The following MARCHF1 variants were observed in gnomAD, a reference collection of about 807,000 sequenced individuals.
MARCHF1 encodes membrane associated ring-CH-type finger 1.
Under a neutral mutation model 54.2 loss-of-function variants are expected in MARCHF1, and 40 were observed. That is an observed-to-expected ratio of 0.74 (90% confidence interval 0.57 to 0.96). MARCHF1 has a LOEUF of 0.96. Ranked by LOEUF, MARCHF1 falls within the 40% of genes least tolerant of loss-of-function variation. MARCHF1 has a pLI of 0.00. For missense variants in MARCHF1, 586 were observed against 656.5 expected (o/e 0.89, Z 1.17); for synonymous variants, 236 against 236.3 (o/e 1.00, Z 0.01).
At chr4:163,579,028 A>G (rs1740130121) in intron 8 of MARCHF1, among the ~76,000 whole-genome samples, 1 of 152,160 alleles carries the variant, frequency 6.6e-6, no homozygotes, top group African/African-American at 2.4e-5. Flanking sequence ...CTGCCTAGAG[A>G]AGAATATTTC....
chr4:164,243,427 C>T (rs958401686), intron 1 of MARCHF1, among the ~76,000 whole-genome samples: 20 of 151,850 alleles, frequency 1.3e-4, no homozygotes, highest in Admixed American at 9.2e-4. Flanking sequence ...CAAGCAAATG[C>T]TGAGAGATTT....
At chr4:163,754,286 C>T (rs1359618746) in intron 4 of MARCHF1, among the ~76,000 whole-genome samples, 1 of 152,180 alleles carries the variant, frequency 6.6e-6, no homozygotes, top group East Asian at 1.9e-4. Context: ...GTGTTGTGGG[C>T]ATCAGACCTT....
At chr4:164,025,526 A>C (rs1410206650) in intron 2 of MARCHF1, among the ~76,000 whole-genome samples, 1 of 152,148 alleles carries the variant, frequency 6.6e-6, no homozygotes, top group East Asian at 1.9e-4. Context: ...AAAAATTATT[A>C]GAAATTAATA....
intron 5 of MARCHF1, among the ~76,000 whole-genome samples, chr4:163,689,495 A>ATTTTGC (rs1376872559): frequency 4.6e-5 from 7 of 152,336 alleles, no homozygotes; most frequent in Non-Finnish European, 8.8e-5. Context: ...AACTGTTGAA[A>ATTTTGC]TGTGGCCAGC....
At chr4:163,838,872 G>T (rs1449721070) in intron 4 of MARCHF1, among the ~76,000 whole-genome samples, 1 of 151,984 alleles carries the variant, frequency 6.6e-6, no homozygotes, top group Non-Finnish European at 1.5e-5. Context: ...AACACTAACA[G>T]CACCGGTGAT....
At chr4:164,247,294 C>T (rs1472920150) in intron 1 of MARCHF1, among the ~76,000 whole-genome samples, 1 of 143,678 alleles carries the variant, frequency 7.0e-6, no homozygotes, top group African/African-American at 2.6e-5. Context: ...ATGATGAGTT[C>T]ATTTCCTTTG....
intron 3 of MARCHF1, among the ~76,000 whole-genome samples, chr4:163,928,029 G>A (rs1379432053): frequency 6.6e-6 from 1 of 151,708 alleles, no homozygotes; most frequent in East Asian, 1.9e-4. Context: ...TTAGGCATTT[G>A]ATGTTGAATG....
chr4:164,090,362 G>T (rs972415767), intron 2 of MARCHF1, among the ~76,000 whole-genome samples: 1 of 151,796 alleles, frequency 6.6e-6, no homozygotes, highest in African/African-American at 2.4e-5. Flanking sequence ...CTACTTCTGT[G>T]AATTATTCTA....
chr4:164,344,258 A>T (rs950780014), intron 1 of MARCHF1, among the ~76,000 whole-genome samples: 2 of 152,196 alleles, frequency 1.3e-5, no homozygotes, highest in African/African-American at 2.4e-5. Flanking sequence ...AAGATCGGAA[A>T]ACAATGTATC....
chr4:163,881,106 A>C (rs747689286), intron 3 of MARCHF1, among the ~76,000 whole-genome samples: 1 of 152,262 alleles, frequency 6.6e-6, no homozygotes, highest in Non-Finnish European at 1.5e-5. Flanking sequence ...AGCTTCATCC[A>C]TTCATGATCT....
intron 2 of MARCHF1, among the ~76,000 whole-genome samples, chr4:164,096,146 C>T (rs939814759): frequency 2.0e-5 from 3 of 152,184 alleles, no homozygotes; most frequent in Non-Finnish European, 2.9e-5. Flanking sequence ...TTCACAATAG[C>T]GAAGACATGG....
intron 8 of MARCHF1, among the ~76,000 whole-genome samples, chr4:163,559,183 A>G (rs1366607641): frequency 6.6e-6 from 1 of 152,218 alleles, no homozygotes; most frequent in East Asian, 1.9e-4. Context: ...TTCATTGTAG[A>G]AAATGTATAA....
intron 3 of MARCHF1, among the ~76,000 whole-genome samples, chr4:163,986,288 AGT>A (rs375777298): frequency 0.24 from 10,598 of 43,756 alleles, 1,657 homozygotes; most frequent in Middle Eastern, 0.46. Flanking sequence ...TTTGAGATGG[AGT>A]GTCTCGCTCT....
intron 3 of MARCHF1, among the ~76,000 whole-genome samples, chr4:163,913,516 C>A (rs1397872037): frequency 5.9e-5 from 9 of 152,146 alleles, no homozygotes; most frequent in African/African-American, 2.2e-4. Context: ...CATCCCACTA[C>A]CTCTATGGAA....
intron 2 of MARCHF1, among the ~76,000 whole-genome samples, chr4:164,040,316 A>ATAAG (rs58673942): frequency 0.4 from 57,338 of 143,444 alleles, 12,111 homozygotes; most frequent in Middle Eastern, 0.56. Context: ...ATACTTATAA[A>ATAAG]TATGTATAAA....
At chr4:164,374,904 C>G (rs1363377926) in intron 1 of MARCHF1, among the ~76,000 whole-genome samples, 1 of 152,076 alleles carries the variant, frequency 6.6e-6, no homozygotes, top group African/African-American at 2.4e-5. Flanking sequence ...GGAAAGAGAG[C>G]TGGCAAGAAC....
At chr4:164,015,095 T>C (rs1186938530) in intron 2 of MARCHF1, among the ~76,000 whole-genome samples, 2 of 152,074 alleles carry the variant, frequency 1.3e-5, no homozygotes, top group Admixed American at 6.5e-5. Flanking sequence ...GGTACTAGCA[T>C]AAAAACAGAT....
chr4:163,571,330 G>A (rs1474244180), intron 8 of MARCHF1, among the ~76,000 whole-genome samples: 4 of 152,116 alleles, frequency 2.6e-5, no homozygotes, highest in Non-Finnish European at 5.9e-5. Context: ...ATTCTCTGAG[G>A]TCAGAAGATT....
chr4:164,313,539 T>A (rs2111437257), intron 1 of MARCHF1, among the ~76,000 whole-genome samples: 1 of 152,134 alleles, frequency 6.6e-6, no homozygotes, highest in East Asian at 1.9e-4. Context: ...GAACAAAGCC[T>A]GAGACATGCC....
Sources: gnomAD v4.1 joint callset for allele counts (sites outside exome capture counted in the v4.1 genomes callset) on GRCh38, gnomAD v4.1.1 for gene constraint, MANE v1.5 for transcripts, NCBI Gene and HGNC (gene_info 2026-07-23, HGNC 2026-07-21) for gene names.